Variants in HHLA2 observed in about 807,000 individuals in gnomAD.
HHLA2 encodes HERV-H LTR-associating protein 2.
In HHLA2, 48 loss-of-function variants were observed where a neutral mutation model predicts 45.9. That is an observed-to-expected ratio of 1.05 (90% confidence interval 0.83 to 1.33). The LOEUF (loss-of-function observed/expected upper bound fraction) is 1.33. HHLA2 is among the 40% of genes most tolerant of loss of function. The probability of loss-of-function intolerance (pLI) is 0.00; values close to 1 mark genes in which losing one functional copy is unlikely to be tolerated. For synonymous variants in HHLA2, 161 were observed against 173.9 expected (o/e 0.93, Z 0.59); for missense variants, 462 against 494.3 (o/e 0.93, Z 0.62).
chr3:108,366,161 C>G (rs2082060118), intron 8 of HHLA2, among the ~76,000 whole-genome samples: 1 of 152,098 alleles, frequency 6.6e-6, no homozygotes, highest in Non-Finnish European at 1.5e-5. Context: ...CCATCAATGC[C>G]CAGTTTATTG....
intron 8 of HHLA2, among the ~76,000 whole-genome samples, chr3:108,366,693 G>A (rs2082068303): frequency 6.6e-6 from 1 of 152,112 alleles, no homozygotes; most frequent in African/African-American, 2.4e-5. Context: ...CTTCTTCCTG[G>A]TTTAGTCTTA....
intron 2 of HHLA2, among the ~76,000 whole-genome samples, chr3:108,318,070 A>T (rs939638302): frequency 1.3e-5 from 2 of 151,490 alleles, no homozygotes; most frequent in Admixed American, 1.3e-4. Context: ...AATCCCAGCT[A>T]CTCAGGAGGC....
At chr3:108,337,294 A>C (rs911874011) in intron 3 of HHLA2, among the ~76,000 whole-genome samples, 2 of 152,168 alleles carry the variant, frequency 1.3e-5, no homozygotes, top group Non-Finnish European at 2.9e-5. Context: ...TGTCCATGAC[A>C]GATTAGAAAC....
At chr3:108,373,526 G>A (rs2082217640) in intron 8 of HHLA2, among the ~76,000 whole-genome samples, 1 of 152,176 alleles carries the variant, frequency 6.6e-6, no homozygotes, top group South Asian at 2.1e-4. Context: ...TAGGAAAACA[G>A]GAAGTCAAAT....
At chr3:108,342,248 C>T (rs928854864) in intron 3 of HHLA2, among the ~76,000 whole-genome samples, 352 of 131,734 alleles carry the variant, frequency 2.7e-3, no homozygotes, top group Non-Finnish European at 4.1e-3. Context: ...GCTCCTTTTT[C>T]TTCTTTCTCT....
chr3:108,366,916 T>C (rs1576177244), intron 8 of HHLA2, among the ~76,000 whole-genome samples: 1 of 152,064 alleles, frequency 6.6e-6, no homozygotes, highest in Admixed American at 6.6e-5. Context: ...CTTTTCAAAA[T>C]AGCAGCTCCT....
chr3:108,378,187 A>G (rs1014227749), exon 11 of HHLA2: 5 of 152,196 alleles, frequency 3.3e-5, no homozygotes, highest in African/African-American at 7.2e-5. Context: ...CCCAAAACCT[A>G]TAAGAACTAA....
At chr3:108,376,330 A>C (rs947100321) in intron 9 of HHLA2, among the ~76,000 whole-genome samples, 163 bp from the exon 9 acceptor site, 1 of 152,196 alleles carries the variant, frequency 6.6e-6, no homozygotes, top group African/African-American at 2.4e-5. Context: ...GCTTCTGATG[A>C]TGTGTTTTTA....
intron 8 of HHLA2, among the ~76,000 whole-genome samples, chr3:108,368,364 A>C (rs1475344958): frequency 6.6e-6 from 1 of 151,890 alleles, no homozygotes; most frequent in Non-Finnish European, 1.5e-5. Context: ...AACAATATTA[A>C]CTTTAAATGT....
At chr3:108,303,114 A>T (rs1025103660) in intron 1 of HHLA2, among the ~76,000 whole-genome samples, 1 of 152,188 alleles carries the variant, frequency 6.6e-6, no homozygotes, top group Non-Finnish European at 1.5e-5. Context: ...AACTTTTCCT[A>T]CAATGTGGAA....
At chr3:108,368,569 A>AAAAAAAAAC (rs2082108495) in intron 8 of HHLA2, among the ~76,000 whole-genome samples, 1 of 127,748 alleles carries the variant, frequency 7.8e-6, no homozygotes, top group Non-Finnish European at 1.6e-5. Flanking sequence ...AAAAAAAAAA[A>AAAAAAAAAC]AGCAGGGGTT....
chr3:108,370,370 A>G (rs1316874854), intron 8 of HHLA2, among the ~76,000 whole-genome samples: 1 of 152,178 alleles, frequency 6.6e-6, no homozygotes, highest in African/African-American at 2.4e-5. Flanking sequence ...AACCACAAAG[A>G]TGGGGAAAAA....
intron 5 of HHLA2, 26 bp from the exon 5 acceptor site, chr3:108,355,089 C>T: frequency 3.8e-6 from 6 of 1,590,516 alleles, no homozygotes; most frequent in Admixed American, 1.8e-5. Flanking sequence ...GGCAGTTTTT[C>T]ATGCGCCCTT....
At chr3:108,356,919 A>G (rs905885605) in intron 6 of HHLA2, among the ~76,000 whole-genome samples, 4 of 152,252 alleles carry the variant, frequency 2.6e-5, no homozygotes, top group African/African-American at 9.6e-5. Flanking sequence ...TTAGAAGAGT[A>G]GTAGGACATT....
chr3:108,307,402 G>A lies in HHLA2; in HGVS notation c.-191-3253G>A, dbSNP rs998570618. Among the ~76,000 whole-genome samples the A allele has an allele frequency of 6.6e-5, 10 of 152,102 alleles. 1 individual carries two copies. The highest frequency in any genetic ancestry group is 2.2e-4 in the African/African-American group (9 of 41,524). On this transcript the variant is annotated intron_variant, in intron 1 of 10. Coordinates refer to ENST00000619531, the Ensembl canonical transcript of HHLA2. ...TGTAATCTCAGTAATTTGGGAGGCCGAGGCGGGTGGATCATGAGGTAAGGA... is the reference window on the plus strand; with the variant it reads ...TGTAATCTCAGTAATTTGGGAGGCCAAGGCGGGTGGATCATGAGGTAAGGA...
intron 3 of HHLA2, among the ~76,000 whole-genome samples, chr3:108,349,417 A>G (rs1413994030): frequency 6.6e-6 from 1 of 152,222 alleles, no homozygotes; most frequent in African/African-American, 2.4e-5. Flanking sequence ...ATTCCTGGAC[A>G]CATACACCCT....
chr3:108,326,068 C>T, intron 2 of HHLA2: 1 of 285,914 alleles, frequency 3.5e-6, no homozygotes, highest in Non-Finnish European at 6.8e-6. Context: ...CTTTAATTTT[C>T]CATACTGTTC....
intron 7 of HHLA2, among the ~76,000 whole-genome samples, chr3:108,360,732 A>T (rs1576169003): frequency 6.6e-6 from 1 of 152,330 alleles, no homozygotes; most frequent in South Asian, 2.1e-4. Context: ...TTAAAACTTA[A>T]GAATTATTTA....
chr3:108,363,087 A>G (rs1576172100), intron 8 of HHLA2, among the ~76,000 whole-genome samples: 1 of 152,186 alleles, frequency 6.6e-6, no homozygotes, highest in African/African-American at 2.4e-5. Flanking sequence ...TAGGCAAAAA[A>G]TCTTACCAGT....
Sources: allele counts gnomAD v4.1 joint callset (sites outside exome capture counted in the v4.1 genomes callset), GRCh38; gene constraint gnomAD v4.1.1; transcripts MANE v1.5; gene names NCBI Gene and HGNC (gene_info 2026-07-23, HGNC 2026-07-21).